Variants in ETV3L observed in about 807,000 individuals in gnomAD.
The protein encoded by ETV3L is ETS translocation variant 3-like protein.
A neutral mutation model predicts 27.6 loss-of-function variants in ETV3L; 30 were observed. The observed-to-expected ratio is 1.09, with a 90% CI of 0.81 to 1.48. The LOEUF is 1.48. Ranked by LOEUF, ETV3L falls within the 40% of genes most tolerant of loss-of-function variation. The pLI, the probability that ETV3L is intolerant of heterozygous loss-of-function variation, is 0.00. For missense variants in ETV3L, 443 were observed against 455.6 expected, an observed-to-expected ratio of 0.97 and a Z score of 0.25; for synonymous variants, 186 against 188.9, an observed-to-expected ratio of 0.98 and a Z score of 0.12.
intron 4 of ETV3L, among the ~76,000 whole-genome samples, chr1:157,097,572 C>G (rs1185613789): frequency 1.3e-5 from 2 of 152,094 alleles, no homozygotes; most frequent in Non-Finnish European, 2.9e-5. Context: ...CTCTGGGAAG[C>G]CCCAGTTCCT....
In ETV3L at chr1:157,098,881, T is replaced by A. The variant is rs760681245; in HGVS notation, c.311A>T (p.Lys104Met). The stretch of plus-strand genomic sequence containing the variant: ...GCCTTTGGTCTTATGCAGGATCCTC[T>A]TATTGTAGTAATATCTGGAGAATTC... ...LSRALRYYYN[K>M]RILHKTKGKR... The change falls in exon 3 of 5, where the codon AAG becomes ATG. Residue 104 changes from lysine (K) to methionine (M), a missense_variant. By Grantham distance (95) the Lys-to-Met change is moderately conservative (BLOSUM62 -1). Transcript: ENST00000454449. 3 of 1,612,418 alleles carry A rather than the reference T, an allele frequency of 1.9e-6. No individual in the cohort carries two copies. The Admixed American group carries it at 5.0e-5, about 27-fold the overall frequency.
At chr1:157,098,025 T>A in intron 3 of ETV3L, 37 bp from the exon 4 acceptor site, 1 of 1,562,692 alleles carries the variant, frequency 6.4e-7, no homozygotes, top group African/African-American at 1.4e-5. Flanking sequence ...TGTGATGGGC[T>A]CTCCTTGGCA....
chr1:157,097,244 G>A (rs1323059039), intron 4 of ETV3L, among the ~76,000 whole-genome samples: 5 of 151,664 alleles, frequency 3.3e-5, no homozygotes, highest in Admixed American at 6.6e-5. Flanking sequence ...AGGCTGAGGC[G>A]GGTGGATCAC....
intron 4 of ETV3L, among the ~76,000 whole-genome samples, chr1:157,097,366 A>G (rs2103183694): frequency 6.8e-6 from 1 of 147,458 alleles, no homozygotes; most frequent in African/African-American, 2.5e-5. Flanking sequence ...CCAGCTACTC[A>G]GGAGGCTGAG....
At chr1:157,093,708 G>C (rs1368810781) in intron 4 of ETV3L, among the ~76,000 whole-genome samples, 1 of 152,086 alleles carries the variant, frequency 6.6e-6, no homozygotes, top group Non-Finnish European at 1.5e-5. Context: ...GGTCAGGCTG[G>C]TCTCGAACTC....
In ETV3L at chr1:157,092,435, G is replaced by A. The variant is rs895293229; in HGVS notation, c.*214C>T. 2 of 564,066 alleles carry A rather than the reference G, an allele frequency of 3.5e-6. No homozygotes were observed. The highest frequency in any genetic ancestry group is 6.3e-6 in the Non-Finnish European group (2 of 319,022). The allele number at this position is 564,066 out of a possible 1,614,324, so 34.9% of individuals were successfully genotyped here. ...GTCCCCTTAGTCTGCTTAGCAATAT[G>A]GTGAAAGAGGAGGGGCACCCTGTCT... On this transcript the variant is annotated 3_prime_UTR_variant, in exon 5 of 5. Coordinates refer to ENST00000454449, the MANE Select transcript of ETV3L (RefSeq NM_001004341.2).
At position 157,094,504 on chromosome 1, in the gene ETV3L, A is replaced by G. The variant is rs116132935; in HGVS notation, c.608-1377T>C. 9.8e-3 allele frequency among the ~76,000 whole-genome samples: 1,498 copies of G among 152,324 alleles called. 11 individuals are homozygous for G. Among genetic ancestry groups the G allele is most frequent in the Middle Eastern group, 0.02 (6 of 294 alleles). On this transcript the variant is annotated intron_variant, in intron 4 of 4. Transcript: ENST00000454449. ...TATAGAACTTCACATCACTTTCTGT[A>G]TTTCGAAAAGCCTAACTGCAATTCC...
intron 3 of ETV3L, among the ~76,000 whole-genome samples, chr1:157,098,250 C>A (rs1674271134): frequency 6.6e-6 from 1 of 152,164 alleles, no homozygotes; most frequent in Admixed American, 6.5e-5. Flanking sequence ...ACATGTGCCA[C>A]CATGCCCAGC....
In ETV3L at chr1:157,098,687, G is replaced by T; in HGVS notation, c.486+19C>A. Reference sequence around the variant, plus strand: ...AGGACCTGGTGGAGCCCTGAGACAGGGGCCACCTCCGCTCTTACCTCACTC... The same window carrying T: ...AGGACCTGGTGGAGCCCTGAGACAGTGGCCACCTCCGCTCTTACCTCACTC... On this transcript the variant is annotated intron_variant, in intron 3 of 4. Coordinates refer to ENST00000454449, the MANE Select transcript of ETV3L (RefSeq NM_001004341.2). The T allele has an allele frequency of 6.5e-7, 1 of 1,549,906 alleles. No individual in the cohort carries two copies.
intron 4 of ETV3L, 100 bp downstream of exon 4, chr1:157,097,768 T>C: frequency 5.0e-6 from 7 of 1,407,786 alleles, no homozygotes; most frequent in Middle Eastern, 2.5e-4. Flanking sequence ...AGTTACATAG[T>C]ATCCCTTGTC....
At position 157,092,706 on chromosome 1, in the gene ETV3L, G is replaced by C; in HGVS notation, c.1029C>G (p.Ser343Arg). 1.2e-6 allele frequency: 2 copies of C among 1,614,042 alleles called. No individual in the cohort carries two copies. Among genetic ancestry groups the C allele is most frequent in the South Asian group, 1.1e-5 (1 of 91,076 alleles). ...GGTTCTCCAGATTGGGGGAAGTAAG[G>C]CTTTCCTCCCCAGTTTTGAGTCTGC... is the stretch of plus-strand genomic sequence containing the variant. Reference protein sequence around the residue: ...ETRRLKTGEESLTSPNLENLK... With the variant: ...ETRRLKTGEERLTSPNLENLK... Residue 343 changes from serine to arginine, a missense_variant, in exon 5 of 5, where the codon AGC becomes AGG. Ser to Arg is a moderately radical substitution (Grantham distance 110). Coordinates refer to ENST00000454449, the MANE Select transcript of ETV3L (RefSeq NM_001004341.2).
chr1:157,099,493 G>A lies in ETV3L; in HGVS notation c.31C>T (p.Pro11Ser). 6.2e-7 allele frequency: 1 copy of A among 1,613,328 alleles called. No individual in the cohort carries two copies. Among genetic ancestry groups the A allele is most frequent in the Non-Finnish European group, 8.5e-7 (1 of 1,179,748 alleles). Reference sequence around the variant, plus strand: ...GAGATCCAGTTGCCGGGGTTGGCTGGGATGCCCTCAGCCAAGCAGCTGCAG... The same window carrying A: ...GAGATCCAGTTGCCGGGGTTGGCTGAGATGCCCTCAGCCAAGCAGCTGCAG... MHCSCLAEGI[P>S]ANPGNWISGL... is the part of the protein sequence containing the mutation. Residue 11 changes from proline (P) to serine (S), a missense_variant, in exon 1 of 5, where the codon CCA (proline) becomes TCA (serine). Pro to Ser is a moderately conservative substitution (Grantham distance 74). Transcript: ENST00000454449.
intron 2 of ETV3L, 45 bp from the exon 3 acceptor site, chr1:157,098,940 G>A: frequency 6.4e-7 from 1 of 1,567,388 alleles, no homozygotes; most frequent in Non-Finnish European, 8.7e-7. Context: ...AGCAGTCAGA[G>A]AATAGAGTCA....
chr1:157,093,473 CTTTTCTT>C (rs1422511855), intron 4 of ETV3L, among the ~76,000 whole-genome samples: 1 of 151,444 alleles, frequency 6.6e-6, no homozygotes, highest in African/African-American at 2.4e-5. Context: ...TTATGCTTTT[CTTTTCTT>C]TTTTCTTTTT....
chr1:157,097,349 T>G (rs753895537), intron 4 of ETV3L, among the ~76,000 whole-genome samples: 9 of 151,412 alleles, frequency 5.9e-5, no homozygotes, highest in Non-Finnish European at 1.2e-4. Flanking sequence ...GGTGCATGTC[T>G]GTAGTCCCAG....
rs1674147357 is a variant in ETV3L, at chr1:157,093,030, G to C, written c.705C>G (p.Pro235=). The C allele has an allele frequency of 6.3e-7, 1 of 1,592,186 alleles. No individual in the cohort carries two copies. The highest frequency in any genetic ancestry group is 1.8e-5 in the Admixed American group (1 of 57,018). The change falls in exon 5 of 5, where the codon CCC becomes CCG. Residue 235 remains proline, a synonymous_variant. Coordinates refer to ENST00000454449, the MANE Select transcript of ETV3L (RefSeq NM_001004341.2). The stretch of plus-strand genomic sequence containing the variant: ...AGTTGGAGGGCAGAGGGGGCGGGAG[G>C]GGAGGAGTGAAGGAGGCAACACCAG... The part of the protein sequence containing the change: ...ELPGVASFTP[P]LPPPLPSNWT...
chr1:157,097,238 T>C lies in ETV3L; in HGVS notation c.607+630A>G, dbSNP rs190074594. On this transcript the variant is annotated intron_variant, in intron 4 of 4. Transcript: ENST00000454449. ...CTGTAATCCCAGCAGTTTGGGAGGC[T>C]GAGGCGGGTGGATCACCTGAGGTCA... Among the ~76,000 whole-genome samples the C allele has an allele frequency of 6.7e-4, 102 of 152,030 alleles. 1 individual carries two copies. Among genetic ancestry groups the C allele is most frequent in the African/African-American group, 2.3e-3 (96 of 41,488 alleles).
At chr1:157,098,259 G>T (rs1406186166) in intron 3 of ETV3L, among the ~76,000 whole-genome samples, 3 of 152,088 alleles carry the variant, frequency 2.0e-5, no homozygotes, top group Non-Finnish European at 4.4e-5. Context: ...ACCATGCCCA[G>T]CTACTTTTAT....
At position 157,092,846 on chromosome 1, in the gene ETV3L, C is replaced by A. The variant is rs767596314; in HGVS notation, c.889G>T (p.Gly297Cys). Residue 297 changes from glycine to cysteine, a missense_variant, in exon 5 of 5, where the codon GGT becomes TGT. Transcript: ENST00000454449. ...AGGGACAAGAGCCAAAGCCTCTCAC[C>A]CGCACCCTGTCCCAGCCCTGCCAAG... ...PLLAGLGQGA[G>C]ERLWLLSLRP... is the part of the protein sequence containing the mutation. 1 of 1,614,058 alleles carries A rather than the reference C, an allele frequency of 6.2e-7. No homozygotes were observed. Among genetic ancestry groups the A allele is most frequent in the South Asian group, 1.1e-5 (1 of 91,072 alleles).
Sources: allele counts gnomAD v4.1 joint callset (sites outside exome capture counted in the v4.1 genomes callset), GRCh38; gene constraint gnomAD v4.1.1; transcripts MANE v1.5; gene names NCBI Gene and HGNC (gene_info 2026-07-23, HGNC 2026-07-21).